The following TAFA1 variants were observed in gnomAD, a reference collection of about 807,000 sequenced individuals.
The protein encoded by TAFA1 is TAFA chemokine like family member 1, also known as chemokine-like protein TAFA-1.
Under a neutral mutation model 18.5 loss-of-function variants are expected in TAFA1, and 4 were observed. The ratio of observed to expected loss-of-function variants is 0.22; its 90% CI spans 0.11 to 0.49. The LOEUF is 0.49. TAFA1 is among the 20% of genes least tolerant of loss of function. The pLI, the probability that TAFA1 is intolerant of heterozygous loss-of-function variation, is 0.98. For missense variants in TAFA1, 147 were observed against 169.0 expected (o/e 0.87, Z 0.72); for synonymous variants, 56 against 55.2 (o/e 1.01, Z -0.06).
Position 68,449,615 on chromosome 3 carries a change from C to A in TAFA1, c.259+32195C>A, listed in dbSNP as rs75899787. 2.7e-3 allele frequency among the ~76,000 whole-genome samples: 417 copies of A among 152,240 alleles called. 1 individual carries two copies. Among genetic ancestry groups the A allele is most frequent in the African/African-American group, 9.5e-3 (395 of 41,552 alleles). On this transcript the variant is annotated intron_variant, in intron 3 of 4. Transcript: ENST00000478136. Reference sequence around the variant, plus strand: ...CCTCTCTCCAAAAAAACACAAAGATCTAATATCTCTGAGTCCATATTGCAC... The same window carrying A: ...CCTCTCTCCAAAAAAACACAAAGATATAATATCTCTGAGTCCATATTGCAC...
intron 2 of TAFA1, among the ~76,000 whole-genome samples, chr3:68,143,413 A>G (rs887508741): frequency 3.9e-5 from 6 of 152,188 alleles, no homozygotes; most frequent in African/African-American, 1.4e-4. Context: ...TAAACATCAC[A>G]TTATCCATCC....
intron 2 of TAFA1, among the ~76,000 whole-genome samples, chr3:68,135,817 C>T (rs1206005593): frequency 1.3e-5 from 2 of 152,060 alleles, no homozygotes; most frequent in African/African-American, 2.4e-5. Flanking sequence ...TTTTCTTTTA[C>T]ATTTAAACAA....
intron 2 of TAFA1, among the ~76,000 whole-genome samples, chr3:68,141,677 T>A (rs1241922067): frequency 6.6e-6 from 1 of 152,130 alleles, no homozygotes; most frequent in Non-Finnish European, 1.5e-5. Context: ...GGCTTGGAGC[T>A]CCTCAGGGCC....
chr3:68,271,951 G>C (rs1418937707), intron 2 of TAFA1, among the ~76,000 whole-genome samples: 1 of 152,116 alleles, frequency 6.6e-6, no homozygotes, highest in African/African-American at 2.4e-5. Flanking sequence ...ATATGGTTAA[G>C]TGATTTTCAA....
At chr3:68,002,916 G>A (rs1182227709), upstream of TAFA1, among the ~76,000 whole-genome samples, 2 of 152,162 alleles carry the variant, frequency 1.3e-5, no homozygotes, top group Non-Finnish European at 2.9e-5. Flanking sequence ...GAATGTGCTA[G>A]CATCTGGTGA....
chr3:68,542,260 A>G (rs981439669), intron 4 of TAFA1, among the ~76,000 whole-genome samples: 15 of 152,124 alleles, frequency 9.9e-5, no homozygotes, highest in African/African-American at 1.7e-4. Context: ...GGAGAATCTC[A>G]GTACATCTGG....
intron 3 of TAFA1, among the ~76,000 whole-genome samples, chr3:68,463,680 A>G (rs2071827726): frequency 6.6e-6 from 1 of 152,198 alleles, no homozygotes; most frequent in Non-Finnish European, 1.5e-5. Context: ...CACATACCCA[A>G]GGAGAAGCTT....
In TAFA1 at chr3:68,353,254, A is replaced by T. The variant is rs573827846; in HGVS notation, c.119-64026A>T. ...CTAGTAGTCTTTGGTCCATCTTTGG[A>T]CAAACAAGGAGTCTGTAGCTTTTGT... On this transcript the variant is annotated intron_variant, in intron 2 of 4. Coordinates refer to ENST00000478136, the MANE Select transcript of TAFA1 (RefSeq NM_213609.4). Among the ~76,000 whole-genome samples the T allele has an allele frequency of 2.6e-5, 4 of 152,194 alleles. No individual in the cohort carries two copies. In the South Asian group the frequency reaches 8.3e-4, roughly 32 times the overall value.
Position 68,538,895 on chromosome 3 carries a change from T to G in TAFA1, c.384+15T>G. 1 of 1,612,804 alleles carries G rather than the reference T, an allele frequency of 6.2e-7. No homozygotes were observed. The highest frequency in any genetic ancestry group is 1.1e-5 in the South Asian group (1 of 90,974). ...AGACCACGAGAGTAAGTGCACTTAT[T>G]TCAAATGTATTTTGGATGTTACAGA... On this transcript the variant is annotated intron_variant, in intron 4 of 4. Coordinates refer to ENST00000478136, the MANE Select transcript of TAFA1 (RefSeq NM_213609.4).
rs1408006199 is a variant in TAFA1, at chr3:68,370,371, T to C, written c.119-46909T>C. 4.8e-4 allele frequency among the ~76,000 whole-genome samples: 38 copies of C among 79,676 alleles called. 2 individuals are homozygous for C. Among genetic ancestry groups the C allele is most frequent in the East Asian group, 1.3e-3 (3 of 2,330 alleles). 52.3% of individuals were successfully genotyped at this position (79,676 alleles called of 152,430 possible). A position where few individuals can be genotyped will look rare whatever the true frequency, so the allele number is the denominator to read the frequency against. On this transcript the variant is annotated intron_variant, in intron 2 of 4. Transcript: ENST00000478136. ...ATATATATACACACACACACACATA[T>C]ATATATACACATATATATACACACA...
intron 2 of TAFA1, among the ~76,000 whole-genome samples, chr3:68,268,243 G>A (rs551637261): frequency 6.6e-6 from 1 of 152,152 alleles, no homozygotes; most frequent in South Asian, 2.1e-4. Context: ...TTCTAAAAAA[G>A]GACAGCTACT....
chr3:68,080,457 G>T (rs1187280103), intron 2 of TAFA1, among the ~76,000 whole-genome samples: 2 of 152,092 alleles, frequency 1.3e-5, no homozygotes, highest in Non-Finnish European at 2.9e-5. Context: ...GGTACCGGTT[G>T]TTCCTGTCCA....
intron 3 of TAFA1, among the ~76,000 whole-genome samples, chr3:68,458,626 C>T (rs2071711083): frequency 6.6e-6 from 1 of 152,106 alleles, no homozygotes; most frequent in South Asian, 2.1e-4. Context: ...CCCAAAGTGG[C>T]TTTTTAGATT....
intron 2 of TAFA1, among the ~76,000 whole-genome samples, chr3:68,384,900 C>G (rs1430677322): frequency 6.6e-6 from 1 of 151,912 alleles, no homozygotes; most frequent in Non-Finnish European, 1.5e-5. Context: ...TGAATTCAAC[C>G]CTTTACCATT....
intron 2 of TAFA1, among the ~76,000 whole-genome samples, chr3:68,365,897 C>A (rs979179758): frequency 2.0e-5 from 3 of 151,944 alleles, no homozygotes; most frequent in African/African-American, 7.3e-5. Context: ...ACCAACCAGC[C>A]AACATAGTGA....
chr3:68,367,774 C>A (rs909126573), intron 2 of TAFA1, among the ~76,000 whole-genome samples: 8 of 149,614 alleles, frequency 5.3e-5, no homozygotes, highest in African/African-American at 1.9e-4. Context: ...TGTCTTAAAA[C>A]TCCCTGGGTG....
intron 2 of TAFA1, among the ~76,000 whole-genome samples, chr3:68,367,709 T>C (rs1283734203): frequency 6.6e-6 from 1 of 152,168 alleles, no homozygotes; most frequent in Non-Finnish European, 1.5e-5. Context: ...TAAAAGGCTC[T>C]CTGTGGTAGG....
intron 4 of TAFA1, among the ~76,000 whole-genome samples, chr3:68,542,675 T>C (rs1373324763): frequency 1.3e-5 from 2 of 151,966 alleles, no homozygotes; most frequent in Non-Finnish European, 1.5e-5. Context: ...CCAGAGATGA[T>C]TTTGAGGGTT....
intron 2 of TAFA1, among the ~76,000 whole-genome samples, chr3:68,386,894 AG>A (rs1305710763): frequency 6.6e-6 from 1 of 152,108 alleles, no homozygotes; most frequent in Admixed American, 6.6e-5. Context: ...ATTTCCCATG[AG>A]ATCAATTTGC....
Sources: gnomAD v4.1 joint callset for allele counts (sites outside exome capture counted in the v4.1 genomes callset) on GRCh38, gnomAD v4.1.1 for gene constraint, MANE v1.5 for transcripts, NCBI Gene and HGNC (gene_info 2026-07-23, HGNC 2026-07-21) for gene names.